PVR: variants seen among roughly 807,000 people sequenced by gnomAD.
The protein encoded by PVR is PVR cell adhesion molecule.
A neutral mutation model predicts 43.3 loss-of-function variants in PVR; 39 were observed. The observed-to-expected ratio is 0.90, with a 90% CI of 0.70 to 1.18. The LOEUF is 1.18. Among genes scored for constraint, PVR ranks in the 50% most tolerant of loss-of-function variants. The pLI is 0.00. For synonymous variants in PVR, 224 were observed against 233.2 expected, an observed-to-expected ratio of 0.96 and a Z score of 0.36; for missense variants, 480 against 549.7, an observed-to-expected ratio of 0.87 and a Z score of 1.27.
chr19:44,659,663 GGA>G (rs1237616728), intron 6 of PVR, among the ~76,000 whole-genome samples: 2 of 151,832 alleles, frequency 1.3e-5, no homozygotes, highest in Non-Finnish European at 2.9e-5. Flanking sequence ...TGTATTTTTA[GGA>G]GAGACAGCGT....
Position 44,647,415 on chromosome 19 carries a change from G to A in PVR, c.272G>A (p.Arg91Gln), listed in dbSNP as rs1033383162. 6.2e-7 allele frequency: 1 copy of A among 1,614,118 alleles called. No homozygotes were observed. The highest frequency in any genetic ancestry group is 8.5e-7 in the Non-Finnish European group (1 of 1,180,014). The stretch of plus-strand genomic sequence containing the variant: ...GGCCCCAGCTATTCGGAGTCCAAAC[G>A]GCTGGAATTCGTGGCAGCCAGACTG... ...TQGPSYSESK[R>Q]LEFVAARLGA... The change falls in exon 2 of 8, where the codon CGG becomes CAG. Residue 91 changes from arginine (R) to glutamine (Q), a missense_variant. Transcript: ENST00000425690.
intron 5 of PVR, 45 bp from the exon 6 acceptor site, chr19:44,658,697 C>A (rs116287630): frequency 6.6e-7 from 1 of 1,517,254 alleles, no homozygotes. Context: ...GAGGGATAAA[C>A]CCCAAGAGTT....
At chr19:44,661,358 G>T in intron 7 of PVR, 35 bp downstream of exon 7, 1 of 1,609,472 alleles carries the variant, frequency 6.2e-7, no homozygotes, top group Non-Finnish European at 8.5e-7. Flanking sequence ...AGGGTGTGGG[G>T]TCTGCACGAA....
chr19:44,653,593 CTA>C, intron 3 of PVR: 1 of 292,792 alleles, frequency 3.4e-6, no homozygotes, highest in Non-Finnish European at 6.7e-6. Context: ...TGGTCATTGC[CTA>C]TGAGTGAGAA....
rs1973697718 is a variant in PVR at position 44,665,657 on chromosome 19, A to AC, written c.*3846_*3847insC. 1 of 160,096 alleles carries AC rather than the reference A, an allele frequency of 6.2e-6. No homozygotes were observed. Among genetic ancestry groups the AC allele is most frequent in the Admixed American group, 6.5e-5 (1 of 15,312 alleles). The allele number at this position is 160,096 out of a possible 1,614,324, so 9.9% of individuals were successfully genotyped here. A position where few individuals can be genotyped will look rare whatever the true frequency, so the allele number is the denominator to read the frequency against. Reference sequence around the variant, plus strand: ...CTCCAAAAAAAAAAAAAAAAAAAAAAAAACTGGATTGCCTGGCTCTACTCC... The same window carrying AC: ...CTCCAAAAAAAAAAAAAAAAAAAAAACAAACTGGATTGCCTGGCTCTACTCC... On this transcript the variant is annotated 3_prime_UTR_variant, in exon 8 of 8. Transcript: ENST00000425690.
chr19:44,645,137 T>TAGTA (rs1449628254), intron 1 of PVR, among the ~76,000 whole-genome samples: 1 of 55,404 alleles, frequency 1.8e-5, no homozygotes, highest in Non-Finnish European at 2.7e-5. Context: ...TAATATATTA[T>TAGTA]ATATATTATT....
intron 3 of PVR, 60 bp from the exon 4 acceptor site, chr19:44,653,826 TGTCGTGAATCCCGC>T: frequency 1.0e-6 from 1 of 986,090 alleles, no homozygotes; most frequent in Non-Finnish European, 1.6e-6. Flanking sequence ...TTTCCTGCAG[TGTCGTGAATCCCGC>T]GTAGCCCCAG....
At chr19:44,654,927 C>T (rs768492163) in intron 4 of PVR, among the ~76,000 whole-genome samples, 26 of 152,134 alleles carry the variant, frequency 1.7e-4, no homozygotes, top group Admixed American at 4.6e-4. Context: ...GGAGCAAGTA[C>T]TATATATCCC....
At chr19:44,653,558 T>A (rs1378837723) in intron 3 of PVR, 1 of 195,806 alleles carries the variant, frequency 5.1e-6, no homozygotes, top group Non-Finnish European at 1.1e-5. Flanking sequence ...GTCAGAACCT[T>A]GAATACACTG....
rs770242147 is a variant in PVR, at chr19:44,657,822, T to C, written c.903T>C (p.Pro301=). 1.9e-6 allele frequency: 3 copies of C among 1,614,076 alleles called. No individual in the cohort carries two copies. The highest frequency in any genetic ancestry group is 2.2e-5 in the East Asian group (1 of 44,876). The change falls in exon 5 of 8, where the codon CCT becomes CCC. Residue 301 remains proline, a synonymous_variant. Transcript: ENST00000425690. ...VAQGAQLLIR[P]VDKPINTTLI... ...AGGGCGCCCAGCTCCTGATCCGTCC[T>C]GTGGACAAACCAATCAACACAACTT...
chr19:44,646,489 G>A (rs904689443), intron 1 of PVR, among the ~76,000 whole-genome samples: 5 of 152,186 alleles, frequency 3.3e-5, no homozygotes, highest in African/African-American at 1.2e-4. Context: ...TCTGGGCCAG[G>A]TGCGGTGGCT....
At position 44,654,627 on chromosome 19, in the gene PVR, G is replaced by C. The variant is rs575977966; in HGVS notation, c.842+610G>C. Among the ~76,000 whole-genome samples the C allele has an allele frequency of 2.0e-5, 3 of 152,332 alleles. No homozygotes were observed. In the South Asian group the frequency reaches 6.2e-4, roughly 32 times the overall value. Reference sequence around the variant, plus strand: ...AGACCAGCCACGAGAGGGCAGAAGCGGCCCTTGAATCAGCGCTCGGCTCCA... The same window carrying C: ...AGACCAGCCACGAGAGGGCAGAAGCCGCCCTTGAATCAGCGCTCGGCTCCA... On this transcript the variant is annotated intron_variant, in intron 4 of 7. Coordinates refer to ENST00000425690, the MANE Select transcript of PVR (RefSeq NM_006505.5).
chr19:44,646,109 T>C (rs773939062), intron 1 of PVR, among the ~76,000 whole-genome samples: 4 of 152,156 alleles, frequency 2.6e-5, no homozygotes, highest in Non-Finnish European at 5.9e-5. Context: ...TGCCAAGATA[T>C]ATGTGAAGCA....
In PVR at chr19:44,644,294, C is replaced by A. The variant is rs1401595271; in HGVS notation, c.79+119C>A. The A allele has an allele frequency of 1.4e-5, 10 of 698,474 alleles. No homozygotes were observed. In the South Asian group the frequency reaches 1.9e-4, roughly 13 times the overall value. The allele number at this position is 698,474 out of a possible 1,614,324, so 43.3% of individuals were successfully genotyped here. A position where few individuals can be genotyped will look rare whatever the true frequency, so the allele number is the denominator to read the frequency against. ...GGCCCCGCCCGGCGCCACCCACCCC[C>A]CATCTCTGCCCCGGGGTTGGAAGGA... On this transcript the variant is annotated intron_variant, in intron 1 of 7. Coordinates refer to ENST00000425690, the MANE Select transcript of PVR (RefSeq NM_006505.5).
rs1973672120 is a variant in PVR, at chr19:44,664,862, C to T, written c.*3051C>T. ...ACCGTGCCTGGCCAATGCACACTGT[C>T]ATTTAGCTCATGTTAACACCTGAGT... On this transcript the variant is annotated 3_prime_UTR_variant, in exon 8 of 8. Transcript: ENST00000425690. 1 of 152,074 alleles carries T rather than the reference C, an allele frequency of 6.6e-6. No homozygotes were observed. The highest frequency in any genetic ancestry group is 1.5e-5 in the Non-Finnish European group (1 of 68,022). The allele number at this position is 152,074 out of a possible 1,614,324, so 9.4% of individuals were successfully genotyped here. A position where few individuals can be genotyped will look rare whatever the true frequency, so the allele number is the denominator to read the frequency against.
At position 44,647,485 on chromosome 19, in the gene PVR, C is replaced by A. The variant is rs1335015318; in HGVS notation, c.342C>A (p.Arg114=). 6.2e-7 allele frequency: 1 copy of A among 1,614,038 alleles called. No individual in the cohort carries two copies. The highest frequency in any genetic ancestry group is 8.5e-7 in the Non-Finnish European group (1 of 1,179,996). Residue 114 remains arginine, a synonymous_variant, in exon 2 of 8, where the codon CGC becomes CGA. Transcript: ENST00000425690. ...CCTCGCTGAGGATGTTCGGGTTGCGCGTAGAGGATGAAGGCAACTACACCT... is the reference window on the plus strand; with the variant it reads ...CCTCGCTGAGGATGTTCGGGTTGCGAGTAGAGGATGAAGGCAACTACACCT... The part of the protein sequence containing the change: ...RNASLRMFGL[R]VEDEGNYTCL...
At position 44,644,042 on chromosome 19, in the gene PVR, G is replaced by T; in HGVS notation, c.-55G>T. On this transcript the variant is annotated 5_prime_UTR_variant, in exon 1 of 8. Transcript: ENST00000425690. Reference sequence around the variant, plus strand: ...GCAGCGACCGCGGCAGAGCGAGCGGGCGCCGGGAAGCGAGGAGACGCCCGC... The same window carrying T: ...GCAGCGACCGCGGCAGAGCGAGCGGTCGCCGGGAAGCGAGGAGACGCCCGC... 7.0e-7 allele frequency: 1 copy of T among 1,438,288 alleles called. No individual in the cohort carries two copies. Among genetic ancestry groups the T allele is most frequent in the Non-Finnish European group, 9.3e-7 (1 of 1,080,756 alleles). 89.1% of individuals were successfully genotyped at this position (1,438,288 alleles called of 1,614,324 possible).
At chr19:44,648,584 T>A (rs1973193682) in intron 2 of PVR, among the ~76,000 whole-genome samples, 1 of 152,046 alleles carries the variant, frequency 6.6e-6, no homozygotes, top group South Asian at 2.1e-4. Context: ...ACTCCTGGGC[T>A]CAAGGGATGT....
chr19:44,647,439 T>A lies in PVR; in HGVS notation c.296T>A (p.Leu99Gln), dbSNP rs1284865528. The change falls in exon 2 of 8, where the codon CTG (leucine) becomes CAG (glutamine). Residue 99 changes from leucine (L) to glutamine (Q), a missense_variant. Transcript: ENST00000425690. ...CGGCTGGAATTCGTGGCAGCCAGACTGGGCGCGGAGCTGCGGAATGCCTCG... is the reference window on the plus strand; with the variant it reads ...CGGCTGGAATTCGTGGCAGCCAGACAGGGCGCGGAGCTGCGGAATGCCTCG... The part of the protein sequence containing the change: ...SKRLEFVAAR[L>Q]GAELRNASLR... The A allele has an allele frequency of 3.1e-6, 5 of 1,614,072 alleles. No homozygotes were observed.
Sources: allele counts gnomAD v4.1 joint callset (sites outside exome capture counted in the v4.1 genomes callset), GRCh38; gene constraint gnomAD v4.1.1; transcripts MANE v1.5; gene names NCBI Gene and HGNC (gene_info 2026-07-23, HGNC 2026-07-21).